The following TNRC18 variants were observed in gnomAD, a reference collection of about 807,000 sequenced individuals.
TNRC18 encodes trinucleotide repeat-containing gene 18 protein.
TNRC18 carries 69 observed loss-of-function variants against 226.7 expected under a neutral mutation model. The observed-to-expected ratio is 0.30, with a 90% CI of 0.25 to 0.37. TNRC18 has a LOEUF of 0.37. TNRC18 is among the 10% of genes least tolerant of loss of function. TNRC18 has a pLI of 1.00. For missense variants in TNRC18, 4,754 were observed against 4,256.6 expected, an observed-to-expected ratio of 1.12 and a Z score of -3.25; for synonymous variants, 2,449 against 1,927.6, an observed-to-expected ratio of 1.27 and a Z score of -7.09.
At chr7:5,373,005 A>G (rs553074944) in intron 10 of TNRC18, among the ~76,000 whole-genome samples, 2 of 152,212 alleles carry the variant, frequency 1.3e-5, no homozygotes, top group East Asian at 3.9e-4. Context: ...CTAAAAATTC[A>G]AAATTAGCCG....
In TNRC18 at chr7:5,385,505, A is replaced by AG. The variant is rs1473769049; in HGVS notation, c.2152+2166_2152+2167insC. Among the ~76,000 whole-genome samples, 38 of 87,186 alleles carry AG rather than the reference A, an allele frequency of 4.4e-4. No homozygotes were observed. In the South Asian group the frequency reaches 8.7e-3, roughly 20 times the overall value. The allele number at this position is 87,186 out of a possible 152,430, so 57.2% of individuals were successfully genotyped here. On this transcript the variant is annotated intron_variant, in intron 5 of 29. Coordinates refer to ENST00000430969, the MANE Select transcript of TNRC18 (RefSeq NM_001080495.3). Reference sequence around the variant, plus strand: ...GCGAGACTCCGTCTCAAAAAAAAAAAAAAAAAAAAAAAGAAAAAAAAATAC... The same window carrying AG: ...GCGAGACTCCGTCTCAAAAAAAAAAAGAAAAAAAAAAAAGAAAAAAAAATAC...
In TNRC18 at chr7:5,307,308, C is replaced by T. The variant is rs547667027; in HGVS notation, c.*798G>A. 2.6e-5 allele frequency: 4 copies of T among 151,298 alleles called. No individual in the cohort carries two copies. The highest frequency in any genetic ancestry group is 3.9e-4 in the East Asian group (2 of 5,152). 9.4% of individuals were successfully genotyped at this position (151,298 alleles called of 1,614,324 possible). ...ATATATATAATTAAAAAGTTGACTCCATTTAAAGGCTTATGATACAGGGGC... is the reference window on the plus strand; with the variant it reads ...ATATATATAATTAAAAAGTTGACTCTATTTAAAGGCTTATGATACAGGGGC... On this transcript the variant is annotated 3_prime_UTR_variant, in exon 30 of 30. Coordinates refer to ENST00000430969, the MANE Select transcript of TNRC18 (RefSeq NM_001080495.3).
In TNRC18 at chr7:5,374,346, C is replaced by T. The variant is rs1313411440; in HGVS notation, c.2938G>A (p.Ala980Thr). ...LLPRKPPGLA[A>T]GPAGTYGKAV... The stretch of plus-strand genomic sequence containing the variant: ...TTGCCGTAGGTGCCCGCGGGGCCGG[C>T]GGCCAGGCCAGGGGGCTTCCGCGGC... The change falls in exon 10 of 30, where the codon GCC becomes ACC. Residue 980 changes from alanine to threonine, a missense_variant. Coordinates refer to ENST00000430969, the MANE Select transcript of TNRC18 (RefSeq NM_001080495.3). 9.9e-6 allele frequency: 14 copies of T among 1,420,748 alleles called. No homozygotes were observed. The highest frequency in any genetic ancestry group is 1.6e-5 in the South Asian group (1 of 63,194). The allele number at this position is 1,420,748 out of a possible 1,614,324, so 88.0% of individuals were successfully genotyped here. A position where few individuals can be genotyped will look rare whatever the true frequency, so the allele number is the denominator to read the frequency against.
intron 14 of TNRC18, among the ~76,000 whole-genome samples, chr7:5,360,642 A>G (rs1792937880): frequency 6.6e-6 from 1 of 152,138 alleles, no homozygotes; most frequent in Non-Finnish European, 1.5e-5. Context: ...AAATTTAACC[A>G]GTGCAGGCCA....
chr7:5,328,870 C>A (rs1789217823), intron 19 of TNRC18, among the ~76,000 whole-genome samples: 1 of 152,032 alleles, frequency 6.6e-6, no homozygotes, highest in South Asian at 2.1e-4. Flanking sequence ...CCACTGTGGT[C>A]CCACCTACTC....
intron 16 of TNRC18, among the ~76,000 whole-genome samples, chr7:5,354,491 G>A (rs1189469422): frequency 2.0e-5 from 3 of 151,942 alleles, no homozygotes; most frequent in African/African-American, 4.8e-5. Flanking sequence ...CAGAGATTGA[G>A]AGAGCAAAAG....
chr7:5,371,312 G>A lies in TNRC18; in HGVS notation c.3282C>T (p.Pro1094=), dbSNP rs372753028. Residue 1094 remains proline, a synonymous_variant, in exon 11 of 30, where the codon CCC becomes CCT. Coordinates refer to ENST00000430969, the MANE Select transcript of TNRC18 (RefSeq NM_001080495.3). ...FQALPPHYGR[P]YPFLLQPTAA... Reference sequence around the variant, plus strand: ...CCGTGGGCTGCAGCAGGAAAGGGTAGGGCCTCCCGTAGTGCGGTGGCAGGG... The same window carrying A: ...CCGTGGGCTGCAGCAGGAAAGGGTAAGGCCTCCCGTAGTGCGGTGGCAGGG... 6.4e-7 allele frequency: 1 copy of A among 1,553,830 alleles called. No homozygotes were observed. Among genetic ancestry groups the A allele is most frequent in the African/African-American group, 1.4e-5 (1 of 73,234 alleles).
At position 5,308,047 on chromosome 7, in the gene TNRC18, G is replaced by C. The variant is rs1786737033; in HGVS notation, c.*59C>G. 2 of 1,472,032 alleles carry C rather than the reference G, an allele frequency of 1.4e-6. No homozygotes were observed. The highest frequency in any genetic ancestry group is 2.5e-5 in the South Asian group (2 of 80,608). 91.2% of individuals were successfully genotyped at this position (1,472,032 alleles called of 1,614,324 possible). ...CACGTGGTCTCCGCGCCATGGCAGTGATGGAGATGGGTCCCTGGCCGCCCT... is the reference window on the plus strand; with the variant it reads ...CACGTGGTCTCCGCGCCATGGCAGTCATGGAGATGGGTCCCTGGCCGCCCT... On this transcript the variant is annotated 3_prime_UTR_variant, in exon 30 of 30. Transcript: ENST00000430969.
intron 5 of TNRC18, among the ~76,000 whole-genome samples, chr7:5,384,909 C>T (rs1184525617): frequency 1.3e-5 from 2 of 152,252 alleles, no homozygotes; most frequent in East Asian, 3.8e-4. Flanking sequence ...CACTGAGCAT[C>T]GCTCACCATG....
rs1360040409 is a variant in TNRC18 at position 5,308,030 on chromosome 7, C to G, written c.*76G>C. 7.2e-7 allele frequency: 1 copy of G among 1,392,210 alleles called. No individual in the cohort carries two copies. Among genetic ancestry groups the G allele is most frequent in the African/African-American group, 1.4e-5 (1 of 69,940 alleles). The allele number at this position is 1,392,210 out of a possible 1,614,324, so 86.2% of individuals were successfully genotyped here. ...CTCGCATGCACACAACGCACGTGGTCTCCGCGCCATGGCAGTGATGGAGAT... is the reference window on the plus strand; with the variant it reads ...CTCGCATGCACACAACGCACGTGGTGTCCGCGCCATGGCAGTGATGGAGAT... On this transcript the variant is annotated 3_prime_UTR_variant, in exon 30 of 30. Transcript: ENST00000430969.
chr7:5,406,841 ACT>A (rs911607143), intron 2 of TNRC18, among the ~76,000 whole-genome samples: 2 of 145,384 alleles, frequency 1.4e-5, no homozygotes, highest in Admixed American at 6.8e-5. Context: ...ACAGAGCGAG[ACT>A]CTGTCTCAAA....
At chr7:5,318,578 C>G (rs1222677619) in intron 24 of TNRC18, among the ~76,000 whole-genome samples, 1 of 146,918 alleles carries the variant, frequency 6.8e-6, no homozygotes, top group Non-Finnish European at 1.5e-5. Context: ...CAAAGCCTCC[C>G]TCTGCAGATA....
intron 18 of TNRC18, among the ~76,000 whole-genome samples, chr7:5,341,326 G>T (rs575201791): frequency 6.6e-6 from 1 of 150,614 alleles, no homozygotes; most frequent in Non-Finnish European, 1.5e-5. Context: ...GGCTGAGGCA[G>T]GAGAATGGCA....
In TNRC18 at chr7:5,404,089, AG is replaced by A. The variant is rs527340939; in HGVS notation, c.188-9495del. Among the ~76,000 whole-genome samples, 25 of 152,328 alleles carry A rather than the reference AG, an allele frequency of 1.6e-4. No individual in the cohort carries two copies. In the East Asian group the frequency reaches 4.1e-3, roughly 25 times the overall value. On this transcript the variant is annotated intron_variant, in intron 2 of 29. Coordinates refer to ENST00000430969, the MANE Select transcript of TNRC18 (RefSeq NM_001080495.3). ...TCAGAATGCCATAAGAATCCCAGGC[AG>A]GGCCGGGGGCGGTGGACCATGCCTG...
chr7:5,313,201 T>C lies in TNRC18; in HGVS notation c.7690A>G (p.Ser2564Gly), dbSNP rs1787459466. The change falls in exon 27 of 30, where the codon AGT becomes GGT. Residue 2564 changes from serine to glycine, a missense_variant. Physicochemically the swap from Ser to Gly is moderately conservative, Grantham distance 56. Transcript: ENST00000430969. Reference protein sequence around the residue: ...AEESESSSSSSSGSSSSSSSS... With the variant: ...AEESESSSSSGSGSSSSSSSS... ...CTGCTGCTGCTACTGCTGCCACTAC[T>C]GCTGCTGCTGCTGCTCTCGGACTCT... is the stretch of plus-strand genomic sequence containing the variant. 1 of 1,537,498 alleles carries C rather than the reference T, an allele frequency of 6.5e-7. No individual in the cohort carries two copies. The highest frequency in any genetic ancestry group is 8.8e-7 in the Non-Finnish European group (1 of 1,139,028).
chr7:5,410,691 C>A (rs1237657975), intron 2 of TNRC18, among the ~76,000 whole-genome samples: 1 of 151,550 alleles, frequency 6.6e-6, no homozygotes, highest in Non-Finnish European at 1.5e-5. Context: ...CATGGTAAAA[C>A]CCCATCTCTA....
intron 19 of TNRC18, 90 bp downstream of exon 19, chr7:5,332,531 GC>G (rs1174378628): frequency 1.4e-6 from 2 of 1,387,794 alleles, no homozygotes; most frequent in Non-Finnish European, 1.9e-6. Flanking sequence ...TAACAGTGAA[GC>G]CGCTTCCCTA....
intron 12 of TNRC18, 55 bp from the exon 13 acceptor site, chr7:5,362,088 G>A (rs899964213): frequency 2.8e-5 from 44 of 1,584,104 alleles, no homozygotes; most frequent in Admixed American, 3.5e-5. Context: ...GCCTAACGAC[G>A]CCCACCGCCC....
At chr7:5,349,773 TG>T (rs1562527966) in intron 17 of TNRC18, among the ~76,000 whole-genome samples, 57 of 152,126 alleles carry the variant, frequency 3.7e-4, no homozygotes. Context: ...GTCGGGCTGC[TG>T]GAAGAAGCAG....
Sources: allele counts gnomAD v4.1 joint callset (sites outside exome capture counted in the v4.1 genomes callset), GRCh38; gene constraint gnomAD v4.1.1; transcripts MANE v1.5; gene names NCBI Gene and HGNC (gene_info 2026-07-23, HGNC 2026-07-21).